Variants in SMAD2 observed in about 807,000 individuals in gnomAD.
SMAD2 encodes the protein SMAD family member 2, also known as MAD homolog 2.
Under a neutral mutation model 64.4 loss-of-function variants are expected in SMAD2, and 8 were observed. That is an observed-to-expected ratio of 0.12 (90% CI 0.07 to 0.22). SMAD2 has a LOEUF of 0.22. SMAD2 is among the 10% of genes least tolerant of loss of function. The pLI is 1.00. For synonymous variants in SMAD2, 203 were observed against 195.8 expected (o/e 1.04, Z -0.31); for missense variants, 289 against 561.2 (o/e 0.51, Z 4.90).
At chr18:47,925,566 G>A (rs1295911770) in intron 1 of SMAD2, among the ~76,000 whole-genome samples, 2 of 110,694 alleles carry the variant, frequency 1.8e-5, no homozygotes, top group Admixed American at 1.1e-4. Flanking sequence ...CTATCTTTGA[G>A]ATGTAAATCT....
At chr18:47,847,570 T>C (rs1482428420) in intron 8 of SMAD2, among the ~76,000 whole-genome samples, 1 of 151,726 alleles carries the variant, frequency 6.6e-6, no homozygotes, top group African/African-American at 2.4e-5. Context: ...AAAAATTCAT[T>C]TAAAAATCAA....
chr18:47,867,987 C>T (rs1200111128), intron 5 of SMAD2, among the ~76,000 whole-genome samples: 1 of 152,034 alleles, frequency 6.6e-6, no homozygotes. Context: ...GTACTTTTCT[C>T]CTACACCATT....
chr18:47,856,450 C>T (rs1290566026), intron 6 of SMAD2, among the ~76,000 whole-genome samples: 2 of 152,132 alleles, frequency 1.3e-5, no homozygotes, highest in East Asian at 1.9e-4. Flanking sequence ...TAAACATATA[C>T]AATAAAAATG....
chr18:47,927,325 C>T (rs2034805883), intron 1 of SMAD2, among the ~76,000 whole-genome samples: 1 of 152,038 alleles, frequency 6.6e-6, no homozygotes, highest in Non-Finnish European at 1.5e-5. Flanking sequence ...CTGAGTAACA[C>T]TTCACATCTT....
chr18:47,879,345 C>G (rs940130866), intron 2 of SMAD2, among the ~76,000 whole-genome samples: 1 of 152,180 alleles, frequency 6.6e-6, no homozygotes, highest in Non-Finnish European at 1.5e-5. Flanking sequence ...TCCATGCGCT[C>G]ATCCCCAGAG....
chr18:47,900,264 C>T (rs11082639), intron 1 of SMAD2, among the ~76,000 whole-genome samples: 82,432 of 151,788 alleles, frequency 0.54, 22,789 homozygotes, highest in East Asian at 0.82. Flanking sequence ...GTACTTTACA[C>T]TTACAGGACA....
Position 47,871,834 on chromosome 18 carries a change from C to T in SMAD2, c.237-1270G>A, listed in dbSNP as rs138968869. Among the ~76,000 whole-genome samples, 1,118 of 152,082 alleles carry T rather than the reference C, an allele frequency of 7.4e-3. 8 individuals carry two copies. Among genetic ancestry groups the T allele is most frequent in the African/African-American group, 0.025 (1,052 of 41,520 alleles). ...TCAAATATCTATTGGAAACATATAGCATGATGTAGTTTAAATCACAACAGA... is the reference window on the plus strand; with the variant it reads ...TCAAATATCTATTGGAAACATATAGTATGATGTAGTTTAAATCACAACAGA... On this transcript the variant is annotated intron_variant, in intron 2 of 10. Coordinates refer to ENST00000262160, the MANE Select transcript of SMAD2 (RefSeq NM_005901.6).
intron 1 of SMAD2, among the ~76,000 whole-genome samples, chr18:47,912,858 C>CAAAAA (rs566813544): frequency 5.1e-5 from 3 of 59,230 alleles, no homozygotes; most frequent in South Asian, 7.2e-4. Flanking sequence ...GTATAAACAG[C>CAAAAA]AAAAAAAAAA....
intron 2 of SMAD2, among the ~76,000 whole-genome samples, chr18:47,884,670 C>T (rs968845026): frequency 2.6e-5 from 4 of 152,052 alleles, no homozygotes; most frequent in African/African-American, 9.7e-5. Context: ...TTAAAATAAG[C>T]AGCTTAGGTT....
chr18:47,849,208 CAA>C (rs1418226740), intron 7 of SMAD2, among the ~76,000 whole-genome samples: 1 of 151,858 alleles, frequency 6.6e-6, no homozygotes, highest in Non-Finnish European at 1.5e-5. Context: ...ACCCTAGCTA[CAA>C]AAAGAGAAAA....
chr18:47,930,704 A>G (rs2034981657), upstream of SMAD2: 1 of 146,440 alleles, frequency 6.8e-6, no homozygotes, highest in African/African-American at 2.5e-5. Context: ...CCGCAGCCCT[A>G]CCGGCCGCCC....
rs1185012818 is a variant in SMAD2 at position 47,835,968 on chromosome 18, T to A, written c.*5859A>T. On this transcript the variant is annotated 3_prime_UTR_variant, in exon 11 of 11. Transcript: ENST00000262160. ...GAGTTAATACACCTTCTGACCCCCA[T>A]CATCAGTGGCATTATTCTTCCAAGG... 4.7e-6 allele frequency: 1 copy of A among 211,318 alleles called. No individual in the cohort carries two copies. Among genetic ancestry groups the A allele is most frequent in the Non-Finnish European group, 9.6e-6 (1 of 104,336 alleles). The allele number at this position is 211,318 out of a possible 1,614,324, so 13.1% of individuals were successfully genotyped here.
chr18:47,893,619 A>G (rs2033308630), intron 2 of SMAD2, among the ~76,000 whole-genome samples: 1 of 152,114 alleles, frequency 6.6e-6, no homozygotes, highest in Admixed American at 6.5e-5. Context: ...TTTCCATCCC[A>G]CTTCCCATCT....
At chr18:47,911,846 T>C (rs2034148820) in intron 1 of SMAD2, among the ~76,000 whole-genome samples, 1 of 152,174 alleles carries the variant, frequency 6.6e-6, no homozygotes, top group Non-Finnish European at 1.5e-5. Flanking sequence ...CAAAACTCCA[T>C]CAAACGCATG....
rs183537325 is a variant in SMAD2, at chr18:47,924,046, C to T, written c.-54+6315G>A. Among the ~76,000 whole-genome samples the T allele has an allele frequency of 6.5e-3, 991 of 152,074 alleles. 11 individuals carry two copies. Among genetic ancestry groups the T allele is most frequent in the African/African-American group, 0.022 (909 of 41,494 alleles). ...GGCGAATCACCTGAGGTCAGGAGTT[C>T]GAGACCAGCCTGACCAACATGGTGA... On this transcript the variant is annotated intron_variant, in intron 1 of 10. Transcript: ENST00000262160.
chr18:47,820,502 G>A lies in SMAD2; in HGVS notation c.*21325C>T, dbSNP rs1454656340. 6.6e-6 allele frequency: 1 copy of A among 152,160 alleles called. No individual in the cohort carries two copies. The highest frequency in any genetic ancestry group is 6.5e-5 in the Admixed American group (1 of 15,270). 9.4% of individuals were successfully genotyped at this position (152,160 alleles called of 1,614,324 possible). On this transcript the variant is annotated 3_prime_UTR_variant, in exon 11 of 11. Coordinates refer to ENST00000262160, the MANE Select transcript of SMAD2 (RefSeq NM_005901.6). ...CAAGACAGAAAGGAACCACTAAGTA[G>A]GAGGAGGAGAGAAATATGAAGGAAG...
At chr18:47,844,396 C>T (rs550876532) in intron 10 of SMAD2, among the ~76,000 whole-genome samples, 11 of 152,200 alleles carry the variant, frequency 7.2e-5, no homozygotes, top group African/African-American at 2.6e-4. Context: ...GTAAGCAATA[C>T]GAATTGAAGA....
intron 5 of SMAD2, among the ~76,000 whole-genome samples, chr18:47,865,879 TAAAA>T (rs2031515786): frequency 6.6e-6 from 1 of 152,122 alleles, no homozygotes; most frequent in South Asian, 2.1e-4. Flanking sequence ...GCATGTAAAA[TAAAA>T]ACATGTATAC....
chr18:47,920,809 A>G (rs910093763), intron 1 of SMAD2, among the ~76,000 whole-genome samples: 6 of 152,244 alleles, frequency 3.9e-5, no homozygotes, highest in African/African-American at 1.2e-4. Flanking sequence ...TTGTTGTAGC[A>G]TTGTTTTTAA....
Sources: allele counts gnomAD v4.1 joint callset (sites outside exome capture counted in the v4.1 genomes callset), GRCh38; gene constraint gnomAD v4.1.1; transcripts MANE v1.5; gene names NCBI Gene and HGNC (gene_info 2026-07-23, HGNC 2026-07-21).